The following NUDT7 variants were observed in gnomAD, a reference collection of about 807,000 sequenced individuals.
NUDT7 encodes the protein peroxisomal coenzyme A diphosphatase NUDT7.
Under a neutral mutation model 13.1 loss-of-function variants are expected in NUDT7, and 19 were observed. The ratio of observed to expected loss-of-function variants is 1.45; its 90% CI spans 1.01 to 2.13. The LOEUF (loss-of-function observed/expected upper bound fraction) is 2.13. Ranked by LOEUF, NUDT7 falls within the 30% of genes most tolerant of loss-of-function variation. The pLI is 0.00. For synonymous variants in NUDT7, 132 were observed against 109.7 expected, an observed-to-expected ratio of 1.20 and a Z score of -1.27; for missense variants, 360 against 291.7, an observed-to-expected ratio of 1.23 and a Z score of -1.71.
At chr16:77,729,631 G>C (rs1308997570) in intron 2 of NUDT7, among the ~76,000 whole-genome samples, 1 of 152,110 alleles carries the variant, frequency 6.6e-6, no homozygotes, top group East Asian at 1.9e-4. Context: ...TTTGAGACCA[G>C]CCTGGCCAAC....
intron 2 of NUDT7, among the ~76,000 whole-genome samples, chr16:77,732,947 C>G (rs2014364838): frequency 6.6e-6 from 1 of 152,146 alleles, no homozygotes; most frequent in African/African-American, 2.4e-5. Flanking sequence ...ATTTCTTACG[C>G]ATTTGGTAAG....
intron 3 of NUDT7, chr16:77,737,314 C>T (rs757185180): frequency 6.6e-6 from 1 of 152,184 alleles, no homozygotes; most frequent in Non-Finnish European, 1.5e-5. Flanking sequence ...ATGACCCTGA[C>T]AGTTTGGAGA....
At chr16:77,725,031 A>C (rs1432932858) in intron 1 of NUDT7, among the ~76,000 whole-genome samples, 2 of 152,228 alleles carry the variant, frequency 1.3e-5, no homozygotes, top group East Asian at 1.9e-4. Context: ...AGTTGAAGAC[A>C]TAAGAGTTTG....
At chr16:77,730,258 T>C (rs1434387205) in intron 2 of NUDT7, among the ~76,000 whole-genome samples, 1 of 152,152 alleles carries the variant, frequency 6.6e-6, no homozygotes, top group East Asian at 1.9e-4. Flanking sequence ...TTTTTATCTT[T>C]TGACCAACAT....
chr16:77,728,748 C>T (rs1295446305), intron 2 of NUDT7, among the ~76,000 whole-genome samples: 1 of 152,192 alleles, frequency 6.6e-6, no homozygotes, highest in Non-Finnish European at 1.5e-5. Context: ...TAAGGGACTC[C>T]TCTCAGAACC....
chr16:77,735,452 C>G, intron 2 of NUDT7: 2 of 662,482 alleles, frequency 3.0e-6, no homozygotes, highest in East Asian at 5.5e-5. Flanking sequence ...TTCCTGAGGT[C>G]TCCCCAGAAG....
chr16:77,729,077 A>T lies in NUDT7; in HGVS notation c.189+3493A>T, dbSNP rs188881272. 5.9e-5 allele frequency among the ~76,000 whole-genome samples: 9 copies of T among 152,326 alleles called. No individual in the cohort carries two copies. In the East Asian group the frequency reaches 1.5e-3, roughly 26 times the overall value. On this transcript the variant is annotated intron_variant, in intron 2 of 3. Coordinates refer to ENST00000268533, the MANE Select transcript of NUDT7 (RefSeq NM_001105663.3). ...TTACTTGGCCTCTGAGTAGCATTTC[A>T]GAAGGTTTTATTGAATAAGAAATGT...
Position 77,722,544 on chromosome 16 carries a change from T to TGCTCTGCGCAAGCGCGACCGA in NUDT7, c.-39_-38insGCTCTGCGCAAGCGCGACCGA. ...GCGCAAGCGCGACCGACCGAGCAGC[T>TGCTCTGCGCAAGCGCGACCGA]CCGAGGAGTCCGCCCGGAAACAAAC... On this transcript the variant is annotated 5_prime_UTR_variant, in exon 1 of 4. Transcript: ENST00000268533. 6.4e-7 allele frequency: 1 copy of TGCTCTGCGCAAGCGCGACCGA among 1,561,218 alleles called. No individual in the cohort carries two copies. The highest frequency in any genetic ancestry group is 8.7e-7 in the Non-Finnish European group (1 of 1,151,710).
intron 2 of NUDT7, among the ~76,000 whole-genome samples, chr16:77,726,250 G>A (rs893352831): frequency 3.9e-5 from 6 of 152,148 alleles, no homozygotes; most frequent in Non-Finnish European, 8.8e-5. Context: ...GTAAAATGAG[G>A]ACAAAATATT....
intron 2 of NUDT7, chr16:77,735,584 A>AATACAG (rs1229581686): frequency 5.2e-6 from 3 of 581,350 alleles, no homozygotes; most frequent in Non-Finnish European, 9.2e-6. Context: ...AGAACAGATT[A>AATACAG]ATACAGTGTG....
intron 3 of NUDT7, among the ~76,000 whole-genome samples, chr16:77,738,673 C>G (rs1177819229): frequency 6.6e-6 from 1 of 152,100 alleles, no homozygotes; most frequent in Non-Finnish European, 1.5e-5. Flanking sequence ...CTCCCAAGTT[C>G]AAGCAATTCT....
intron 3 of NUDT7, 126 bp downstream of exon 3, chr16:77,736,112 T>A: frequency 1.1e-6 from 1 of 899,302 alleles, no homozygotes; most frequent in Non-Finnish European, 1.7e-6. Context: ...GAGAACAGGT[T>A]CTCCTACAGA....
At chr16:77,726,043 G>A (rs2014125348) in intron 2 of NUDT7, among the ~76,000 whole-genome samples, 1 of 152,086 alleles carries the variant, frequency 6.6e-6, no homozygotes, top group Admixed American at 6.5e-5. Context: ...GGCAGGATTG[G>A]GGGTGCCAAA....
chr16:77,737,649 C>A (rs1355910491), intron 3 of NUDT7, among the ~76,000 whole-genome samples: 1 of 152,090 alleles, frequency 6.6e-6, no homozygotes, highest in Admixed American at 6.5e-5. Context: ...CCGCGCCCGG[C>A]TAATTTTTTG....
At chr16:77,734,518 G>A (rs1001981341) in intron 2 of NUDT7, among the ~76,000 whole-genome samples, 1 of 152,130 alleles carries the variant, frequency 6.6e-6, no homozygotes. Flanking sequence ...AGCTACTCAG[G>A]AAGCTGAGGC....
At position 77,722,540 on chromosome 16, in the gene NUDT7, C is replaced by G. The variant is rs1567424068; in HGVS notation, c.-43C>G. The G allele has an allele frequency of 1.3e-6, 2 of 1,552,936 alleles. No individual in the cohort carries two copies. Among genetic ancestry groups the G allele is most frequent in the Non-Finnish European group, 1.7e-6 (2 of 1,144,892 alleles). ...CTCTGCGCAAGCGCGACCGACCGAG[C>G]AGCTCCGAGGAGTCCGCCCGGAAAC... On this transcript the variant is annotated 5_prime_UTR_variant, in exon 1 of 4. Coordinates refer to ENST00000268533, the MANE Select transcript of NUDT7 (RefSeq NM_001105663.3).
rs368054391 is a variant in NUDT7, at chr16:77,722,545, C to T, written c.-38C>T. 9.6e-6 allele frequency: 15 copies of T among 1,563,078 alleles called. No homozygotes were observed. The highest frequency in any genetic ancestry group is 7.1e-5 in the East Asian group (3 of 42,048). On this transcript the variant is annotated 5_prime_UTR_variant, in exon 1 of 4. Coordinates refer to ENST00000268533, the MANE Select transcript of NUDT7 (RefSeq NM_001105663.3). ...CGCAAGCGCGACCGACCGAGCAGCTCCGAGGAGTCCGCCCGGAAACAAACA... is the reference window on the plus strand; with the variant it reads ...CGCAAGCGCGACCGACCGAGCAGCTTCGAGGAGTCCGCCCGGAAACAAACA...
At chr16:77,733,340 CATAG>C (rs1271557517) in intron 2 of NUDT7, among the ~76,000 whole-genome samples, 1 of 152,184 alleles carries the variant, frequency 6.6e-6, no homozygotes, top group Non-Finnish European at 1.5e-5. Flanking sequence ...TGTTTCAGTT[CATAG>C]ATAGTCATCC....
chr16:77,742,050 A>G lies in NUDT7; in HGVS notation c.*100A>G, dbSNP rs1013193944. On this transcript the variant is annotated 3_prime_UTR_variant, in exon 4 of 4. Transcript: ENST00000268533. ...AGCTGTTGGAATTTGACAGGTGTGAATATTTTTTCTGCAGTATGTAGTTAG... is the reference window on the plus strand; with the variant it reads ...AGCTGTTGGAATTTGACAGGTGTGAGTATTTTTTCTGCAGTATGTAGTTAG... 8 of 1,484,676 alleles carry G rather than the reference A, an allele frequency of 5.4e-6. No homozygotes were observed. In the Admixed American group the frequency reaches 1.5e-4, roughly 27 times the overall value. 92.0% of individuals were successfully genotyped at this position (1,484,676 alleles called of 1,614,324 possible).
Sources: allele counts gnomAD v4.1 joint callset (sites outside exome capture counted in the v4.1 genomes callset), GRCh38; gene constraint gnomAD v4.1.1; transcripts MANE v1.5; gene names NCBI Gene and HGNC (gene_info 2026-07-23, HGNC 2026-07-21).